TLCD4: variants seen among roughly 807,000 people sequenced by gnomAD.
The protein encoded by TLCD4 is TLC domain containing 4.
TLCD4 carries 7 observed loss-of-function variants against 24.2 expected under a neutral mutation model. The ratio of observed to expected loss-of-function variants is 0.29; its 90% confidence interval spans 0.16 to 0.54. The LOEUF (loss-of-function observed/expected upper bound fraction) is 0.54. Ranked by LOEUF, TLCD4 falls within the 20% of genes least tolerant of loss-of-function variation. The pLI is 0.95. For missense variants in TLCD4, 259 were observed against 313.9 expected, an observed-to-expected ratio of 0.82 and a Z score of 1.32; for synonymous variants, 103 against 106.4, an observed-to-expected ratio of 0.97 and a Z score of 0.20.
chr1:95,197,588 C>G lies in TLCD4; in HGVS notation c.*5720C>G, dbSNP rs538994821. 6.6e-6 allele frequency: 1 copy of G among 152,138 alleles called. No homozygotes were observed. Among genetic ancestry groups the G allele is most frequent in the Non-Finnish European group, 1.5e-5 (1 of 68,008 alleles). The allele number at this position is 152,138 out of a possible 1,614,324, so 9.4% of individuals were successfully genotyped here. On this transcript the variant is annotated 3_prime_UTR_variant, in exon 7 of 7. Coordinates refer to ENST00000370203, the MANE Select transcript of TLCD4 (RefSeq NM_152487.3). ...ATTTTGTGGAAAAAAACAATAAAATCACAATTATTTAGTGCAAAAGTTTGT... is the reference window on the plus strand; with the variant it reads ...ATTTTGTGGAAAAAAACAATAAAATGACAATTATTTAGTGCAAAAGTTTGT...
chr1:95,114,841 A>AG (rs1553167754), upstream of TLCD4, among the ~76,000 whole-genome samples: 3 of 152,060 alleles, frequency 2.0e-5, no homozygotes, highest in African/African-American at 2.4e-5. Flanking sequence ...AAAAAAAAAA[A>AG]GAGTTTTTGT....
chr1:95,163,336 G>T (rs1238322060), intron 5 of TLCD4: 1 of 152,104 alleles, frequency 6.6e-6, no homozygotes, highest in Non-Finnish European at 1.5e-5. Flanking sequence ...TCGTGCCATG[G>T]TTTTCAGCTC....
chr1:95,174,086 A>C, intron 6 of TLCD4, 197 bp downstream of exon 6: 2 of 714,146 alleles, frequency 2.8e-6, no homozygotes, highest in African/African-American at 1.8e-5. Flanking sequence ...CTAGCTAGCA[A>C]GTGGTGGTGC....
At chr1:95,178,767 T>C (rs1320806193) in intron 6 of TLCD4, among the ~76,000 whole-genome samples, 1 of 152,130 alleles carries the variant, frequency 6.6e-6, no homozygotes, top group Non-Finnish European at 1.5e-5. Flanking sequence ...TTATAGTCAT[T>C]TTATCTATGA....
chr1:95,145,406 T>G (rs1203736531), intron 2 of TLCD4, among the ~76,000 whole-genome samples: 2 of 150,844 alleles, frequency 1.3e-5, no homozygotes, highest in African/African-American at 4.9e-5. Context: ...ACTCTAGTTG[T>G]TTTTTTTTGT....
chr1:95,150,704 T>C (rs1174614308), intron 4 of TLCD4, among the ~76,000 whole-genome samples: 1 of 152,120 alleles, frequency 6.6e-6, no homozygotes, highest in Non-Finnish European at 1.5e-5. Context: ...TTAATAGTTA[T>C]AGTTTTTGGT....
chr1:95,105,893 T>TCAAAAAAAAAA, the TLCD4 span, among the ~76,000 whole-genome samples: 539 of 102,826 alleles, frequency 5.2e-3, 64 homozygotes, highest in Non-Finnish European at 7.4e-3. Context: ...AGACTCCGTC[T>TCAAAAAAAAAA]TAAAAAAAAA....
chr1:95,190,652 C>T (rs1217455989), intron 6 of TLCD4, among the ~76,000 whole-genome samples: 2 of 151,148 alleles, frequency 1.3e-5, no homozygotes, highest in East Asian at 2.0e-4. Context: ...AAACCCCTGA[C>T]CTCAGGTGAT....
At position 95,194,217 on chromosome 1, in the gene TLCD4, CCTTAT is replaced by C. The variant is rs1679120609; in HGVS notation, c.*2355_*2359del. The C allele has an allele frequency of 6.6e-6, 1 of 152,100 alleles. No individual in the cohort carries two copies. The highest frequency in any genetic ancestry group is 1.5e-5 in the Non-Finnish European group (1 of 67,976). 9.4% of individuals were successfully genotyped at this position (152,100 alleles called of 1,614,324 possible). ...GTTTGTGATTCTCTTATTCAGCAATCCTTATCTTATGCTGGCTGCATGAGTTAATT... is the reference window on the plus strand; with the variant it reads ...GTTTGTGATTCTCTTATTCAGCAATCCTTATGCTGGCTGCATGAGTTAATT... On this transcript the variant is annotated 3_prime_UTR_variant, in exon 7 of 7. Transcript: ENST00000370203.
chr1:95,174,976 A>C lies in TLCD4; in HGVS notation c.473+1087A>C, dbSNP rs561008303. Among the ~76,000 whole-genome samples the C allele has an allele frequency of 2.6e-5, 4 of 152,194 alleles. No individual in the cohort carries two copies. In the South Asian group the frequency reaches 6.2e-4, roughly 24 times the overall value. ...TTTTTAGTAGAAACGAGATTTCGCC[A>C]TGTTGGCCAGGCTGGTCTCAAACTC... On this transcript the variant is annotated intron_variant, in intron 6 of 6. Transcript: ENST00000370203.
Position 95,175,890 on chromosome 1 carries a change from C to T in TLCD4, c.473+2001C>T, listed in dbSNP as rs562933551. Among the ~76,000 whole-genome samples the T allele has an allele frequency of 7.2e-5, 11 of 152,076 alleles. No homozygotes were observed. In the South Asian group the frequency reaches 1.9e-3, roughly 26 times the overall value. On this transcript the variant is annotated intron_variant, in intron 6 of 6. Transcript: ENST00000370203. ...TCTCAGGCTCAAAGGATCCTCCCAC[C>T]TCAGCTTTCTAAGTAGCTGGGGCTA...
chr1:95,094,506 A>G, the TLCD4 span, among the ~76,000 whole-genome samples: 5 of 152,270 alleles, frequency 3.3e-5, no homozygotes, highest in African/African-American at 1.2e-4. Flanking sequence ...GCCCAGTGAG[A>G]TCTCTTGTAC....
the TLCD4 span, among the ~76,000 whole-genome samples, chr1:95,103,295 G>A: frequency 1.3e-5 from 2 of 152,088 alleles, no homozygotes; most frequent in Non-Finnish European, 1.5e-5. Context: ...ACTACTTTAG[G>A]TAGGCAGTGA....
At chr1:95,153,443 C>T (rs1054230137) in intron 5 of TLCD4, among the ~76,000 whole-genome samples, 1 of 152,066 alleles carries the variant, frequency 6.6e-6, no homozygotes, top group Admixed American at 6.6e-5. Context: ...TAAACTGAAA[C>T]AAATGGGTGG....
chr1:95,190,177 C>A (rs1233710282), intron 6 of TLCD4, among the ~76,000 whole-genome samples: 1 of 151,280 alleles, frequency 6.6e-6, no homozygotes, highest in African/African-American at 2.4e-5. Context: ...GATTTCGGCT[C>A]ACTGCAACCT....
intron 5 of TLCD4, among the ~76,000 whole-genome samples, chr1:95,162,098 G>A (rs1228176908): frequency 6.6e-6 from 1 of 152,060 alleles, no homozygotes; most frequent in African/African-American, 2.4e-5. Flanking sequence ...TTGACAGTGG[G>A]GTGTTAAAAG....
intron 5 of TLCD4, among the ~76,000 whole-genome samples, chr1:95,159,517 G>A (rs12141107): frequency 0.15 from 22,788 of 151,972 alleles, 1,762 homozygotes; most frequent in East Asian, 0.2. Flanking sequence ...TAATTAGATC[G>A]CATTTGTCAC....
At chr1:95,103,548 T>C in the TLCD4 span, among the ~76,000 whole-genome samples, 1 of 152,230 alleles carries the variant, frequency 6.6e-6, no homozygotes, top group African/African-American at 2.4e-5. Flanking sequence ...TATTTTTATA[T>C]TGACATTCTT....
chr1:95,186,088 TTAA>T (rs1678820918), intron 6 of TLCD4, among the ~76,000 whole-genome samples: 1 of 152,250 alleles, frequency 6.6e-6, no homozygotes, highest in Admixed American at 6.5e-5. Context: ...GCCATTTATC[TTAA>T]TAAAGATTGG....
Sources: gnomAD v4.1 joint callset for allele counts (sites outside exome capture counted in the v4.1 genomes callset) on GRCh38, gnomAD v4.1.1 for gene constraint, MANE v1.5 for transcripts, NCBI Gene and HGNC (gene_info 2026-07-23, HGNC 2026-07-21) for gene names.